The following CBR4 variants were observed in gnomAD, a reference collection of about 807,000 sequenced individuals.
CBR4 encodes the protein 3-oxoacyl-[acyl-carrier-protein] reductase.
In CBR4, 22 loss-of-function variants were observed where a neutral mutation model predicts 21.0. The ratio of observed to expected loss-of-function variants is 1.05; its 90% CI spans 0.75 to 1.50. CBR4 has a LOEUF of 1.50. Ranked by LOEUF, CBR4 falls within the 40% of genes most tolerant of loss-of-function variation. The pLI is 0.00. For synonymous variants in CBR4, 100 were observed against 104.4 expected (o/e 0.96, Z 0.26); for missense variants, 302 against 286.3 (o/e 1.05, Z -0.40).
At chr4:168,914,074 A>C in intron 2 of CBR4, 1 of 1,057,070 alleles carries the variant, frequency 9.5e-7, no homozygotes. Flanking sequence ...TTATTACTAT[A>C]AATGTAGTAC....
At chr4:169,009,169 G>C in intron 1 of CBR4, 1 of 407,048 alleles carries the variant, frequency 2.5e-6, no homozygotes, top group South Asian at 1.8e-5. Context: ...GTATAATTTT[G>C]TCCATTCTGG....
chr4:168,960,617 C>T (rs550309677), intron 2 of CBR4, among the ~76,000 whole-genome samples: 1 of 152,250 alleles, frequency 6.6e-6, no homozygotes, highest in South Asian at 2.1e-4. Context: ...TGTATAGATG[C>T]TATTTACTAT....
intron 2 of CBR4, among the ~76,000 whole-genome samples, chr4:168,956,597 CAAAAAAAAA>C (rs59962690): frequency 5.0e-4 from 15 of 29,708 alleles, no homozygotes; most frequent in African/African-American, 1.1e-3. Context: ...GACCCTGTCT[CAAAAAAAAA>C]AAAAAAAAAA....
chr4:168,961,141 C>T (rs1763838820), intron 2 of CBR4, among the ~76,000 whole-genome samples: 1 of 152,094 alleles, frequency 6.6e-6, no homozygotes, highest in Non-Finnish European at 1.5e-5. Context: ...CTTTCTTTGT[C>T]CTATTGAAAT....
At chr4:168,910,478 A>G (rs1318065579) in intron 2 of CBR4, among the ~76,000 whole-genome samples, 5 of 152,128 alleles carry the variant, frequency 3.3e-5, no homozygotes, top group African/African-American at 1.2e-4. Flanking sequence ...TTACATTCTA[A>G]TACCAAGAAA....
intron 2 of CBR4, among the ~76,000 whole-genome samples, chr4:168,977,933 AATGG>A (rs369357773): frequency 0.68 from 102,564 of 151,722 alleles, 36,613 homozygotes; most frequent in East Asian, 0.96. Flanking sequence ...CACATGAGGT[AATGG>A]GTACTACAAA....
intron 2 of CBR4, chr4:168,896,601 T>A (rs1755230596): frequency 6.7e-7 from 1 of 1,496,216 alleles, no homozygotes; most frequent in Non-Finnish European, 9.0e-7. Context: ...GGTCAAAAGG[T>A]TAAGCTTTTC....
intron 2 of CBR4, chr4:168,898,143 T>C (rs1755653580): frequency 6.2e-6 from 2 of 322,510 alleles, no homozygotes; most frequent in Middle Eastern, 1.1e-3. Context: ...AAATCAGCGT[T>C]CCATTATATT....
At chr4:168,932,218 G>A (rs1762988957) in intron 2 of CBR4, among the ~76,000 whole-genome samples, 1 of 151,114 alleles carries the variant, frequency 6.6e-6, no homozygotes, top group African/African-American at 2.4e-5. Flanking sequence ...TTCATGATTT[G>A]AATGAGAAAT....
chr4:168,980,200 C>T (rs1009124818), intron 2 of CBR4, among the ~76,000 whole-genome samples: 1 of 151,734 alleles, frequency 6.6e-6, no homozygotes, highest in Non-Finnish European at 1.5e-5. Flanking sequence ...CCTGGGAGTA[C>T]CAAGCTGAGG....
At chr4:169,009,641 G>T (rs1212217692) in intron 1 of CBR4, among the ~76,000 whole-genome samples, 1 of 152,344 alleles carries the variant, frequency 6.6e-6, no homozygotes, top group East Asian at 1.9e-4. Flanking sequence ...GCTCCTCAGC[G>T]TTAGCACTAG....
chr4:168,949,685 A>G (rs942661789), intron 2 of CBR4, among the ~76,000 whole-genome samples: 2 of 152,164 alleles, frequency 1.3e-5, no homozygotes, highest in African/African-American at 4.8e-5. Flanking sequence ...TAGTGTCAAA[A>G]GGATTGGTAC....
chr4:169,006,647 A>G (rs1730932270), intron 3 of CBR4, 108 bp downstream of exon 3: 1 of 1,021,494 alleles, frequency 9.8e-7, no homozygotes, highest in South Asian at 1.6e-5. Flanking sequence ...TTCCACAGAT[A>G]ATATAAATTT....
chr4:168,980,696 A>G (rs1764521960), intron 2 of CBR4, among the ~76,000 whole-genome samples: 1 of 152,202 alleles, frequency 6.6e-6, no homozygotes, highest in South Asian at 2.1e-4. Flanking sequence ...AGATCATGCC[A>G]CCACACTCCA....
At chr4:168,938,499 C>G (rs1216858489) in intron 2 of CBR4, among the ~76,000 whole-genome samples, 1 of 152,048 alleles carries the variant, frequency 6.6e-6, no homozygotes, top group Non-Finnish European at 1.5e-5. Flanking sequence ...CACGAAAAAT[C>G]CTTCAAAAAA....
chr4:168,910,220 CTTTTTT>C (rs70961563), intron 2 of CBR4, among the ~76,000 whole-genome samples: 5 of 114,010 alleles, frequency 4.4e-5, no homozygotes, highest in Non-Finnish European at 3.6e-5. Context: ...AACCTGTTTA[CTTTTTT>C]TTTTTTTTTT....
chr4:168,899,171 T>C (rs1169384236), intron 2 of CBR4, among the ~76,000 whole-genome samples: 6 of 152,164 alleles, frequency 3.9e-5, no homozygotes, highest in Non-Finnish European at 8.8e-5. Context: ...TATTAATATT[T>C]ACAGAGGGAG....
At chr4:168,929,164 T>C (rs924874658) in intron 2 of CBR4, among the ~76,000 whole-genome samples, 1 of 152,090 alleles carries the variant, frequency 6.6e-6, no homozygotes, top group South Asian at 2.1e-4. Context: ...AGAAAGTAAG[T>C]ATAAATGGAA....
intron 2 of CBR4, among the ~76,000 whole-genome samples, chr4:168,950,556 A>G (rs1179610412): frequency 6.6e-6 from 1 of 152,120 alleles, no homozygotes; most frequent in Non-Finnish European, 1.5e-5. Flanking sequence ...TGCTGAATGG[A>G]AAGTGTCTCC....
Sources: allele counts gnomAD v4.1 joint callset (sites outside exome capture counted in the v4.1 genomes callset), GRCh38; gene constraint gnomAD v4.1.1; transcripts MANE v1.5; gene names NCBI Gene and HGNC (gene_info 2026-07-23, HGNC 2026-07-21).